NDUFA9: variants seen among roughly 807,000 people sequenced by gnomAD.
The protein encoded by NDUFA9 is NADH dehydrogenase [ubiquinone] 1 alpha subcomplex subunit 9, mitochondrial.
A neutral mutation model predicts 45.9 loss-of-function variants in NDUFA9; 23 were observed. That is an observed-to-expected ratio of 0.50 (90% confidence interval 0.36 to 0.71). The LOEUF (loss-of-function observed/expected upper bound fraction) is 0.71, where lower values mean the gene tolerates loss of function less well. NDUFA9 is among the 30% of genes least tolerant of loss of function. The pLI is 0.00. For synonymous variants in NDUFA9, 176 were observed against 170.5 expected (o/e 1.03, Z -0.25); for missense variants, 466 against 488.2 (o/e 0.95, Z 0.43).
intron 6 of NDUFA9, among the ~76,000 whole-genome samples, chr12:4,665,760 T>TA (rs1945849644): frequency 1.3e-5 from 2 of 151,858 alleles, no homozygotes; most frequent in African/African-American, 4.8e-5. Flanking sequence ...TTTTTTTTTT[T>TA]TATAATAGCC....
At chr12:4,663,326 T>G (rs1043224023) in intron 6 of NDUFA9, among the ~76,000 whole-genome samples, 6 of 152,242 alleles carry the variant, frequency 3.9e-5, no homozygotes, top group African/African-American at 1.4e-4. Flanking sequence ...AAAATATACA[T>G]AGTATAAAAT....
chr12:4,654,394 T>A lies in NDUFA9; in HGVS notation c.152T>A (p.Val51Asp). 2 of 1,614,186 alleles carry A rather than the reference T, an allele frequency of 1.2e-6. No homozygotes were observed. Among genetic ancestry groups the A allele is most frequent in the Non-Finnish European group, 1.7e-6 (2 of 1,180,004 alleles). ...CATGGGAAAGGTGGACGTTCCTCAG[T>A]CAGTGGGATTGTGGCCACTGTGTTT... is the stretch of plus-strand genomic sequence containing the variant. ...MPHGKGGRSS[V>D]SGIVATVFGA... Residue 51 changes from valine (V) to aspartate (D), a missense_variant, in exon 2 of 11, where the codon GTC becomes GAC. Coordinates refer to ENST00000266544, the MANE Select transcript of NDUFA9 (RefSeq NM_005002.5).
At chr12:4,679,545 A>G (rs1464872674) in intron 8 of NDUFA9, among the ~76,000 whole-genome samples, 1 of 152,228 alleles carries the variant, frequency 6.6e-6, no homozygotes, top group Non-Finnish European at 1.5e-5. Context: ...AAAGAAAACC[A>G]GAAGGAGGAA....
At chr12:4,672,522 A>T (rs1014294989) in intron 8 of NDUFA9, among the ~76,000 whole-genome samples, 1 of 152,156 alleles carries the variant, frequency 6.6e-6, no homozygotes, top group African/African-American at 2.4e-5. Context: ...TCTGAGTTCA[A>T]CCTGGGACGT....
rs1945865960 is a variant in NDUFA9, at chr12:4,668,437, C to G, written c.656-20C>G. Reference sequence around the variant, plus strand: ...CAATTTAAGCCTTCTCAGTATAGTTCTCATTCTTTCTTCCGCTAGGTATGC... The same window carrying G: ...CAATTTAAGCCTTCTCAGTATAGTTGTCATTCTTTCTTCCGCTAGGTATGC... On this transcript the variant is annotated intron_variant, in intron 6 of 10. Transcript: ENST00000266544. 1.2e-6 allele frequency: 2 copies of G among 1,602,504 alleles called. No individual in the cohort carries two copies. The highest frequency in any genetic ancestry group is 1.7e-6 in the Non-Finnish European group (2 of 1,169,568).
intron 8 of NDUFA9, among the ~76,000 whole-genome samples, chr12:4,673,120 A>C (rs1196598628): frequency 2.6e-5 from 4 of 152,202 alleles, no homozygotes; most frequent in Non-Finnish European, 5.9e-5. Flanking sequence ...GCAGACCTGC[A>C]GCAGAGGGGC....
intron 8 of NDUFA9, among the ~76,000 whole-genome samples, chr12:4,681,022 A>G (rs1287569937): frequency 6.6e-6 from 1 of 152,024 alleles, no homozygotes; most frequent in Non-Finnish European, 1.5e-5. Flanking sequence ...GGAAAGAGGC[A>G]GTACAGTAAA....
At chr12:4,682,175 T>C (rs1945956760) in intron 8 of NDUFA9, 30 bp from the exon 9 acceptor site, 1 of 1,501,080 alleles carries the variant, frequency 6.7e-7, no homozygotes, top group Admixed American at 1.9e-5. Flanking sequence ...AAGCGTGTAA[T>C]TGAAAGAACT....
intron 6 of NDUFA9, among the ~76,000 whole-genome samples, chr12:4,664,309 A>G (rs1945840899): frequency 6.6e-6 from 1 of 152,204 alleles, no homozygotes; most frequent in African/African-American, 2.4e-5. Flanking sequence ...AGGAATAGAG[A>G]TGAGATTACA....
intron 6 of NDUFA9, among the ~76,000 whole-genome samples, chr12:4,666,088 G>T (rs1171381435): frequency 6.6e-6 from 1 of 152,118 alleles, no homozygotes; most frequent in Non-Finnish European, 1.5e-5. Context: ...TATAGGCATG[G>T]GCCACCACGC....
At chr12:4,675,944 C>A (rs949196525) in intron 8 of NDUFA9, among the ~76,000 whole-genome samples, 7 of 152,142 alleles carry the variant, frequency 4.6e-5, no homozygotes, top group African/African-American at 1.7e-4. Context: ...ACTTATCCAG[C>A]ACGATAAAGT....
chr12:4,686,428 T>TG (rs1000830962), intron 10 of NDUFA9, among the ~76,000 whole-genome samples: 1 of 151,894 alleles, frequency 6.6e-6, no homozygotes, highest in East Asian at 1.9e-4. Context: ...TTACTTGTTT[T>TG]TTTTTTTTTT....
chr12:4,684,331 G>A (rs1010483844), intron 9 of NDUFA9, among the ~76,000 whole-genome samples: 3 of 152,144 alleles, frequency 2.0e-5, no homozygotes, highest in Non-Finnish European at 2.9e-5. Context: ...GAAGTTTTAC[G>A]TCAAGTCCTG....
At position 4,686,921 on chromosome 12, in the gene NDUFA9, C is replaced by T. The variant is rs1384104220; in HGVS notation, c.964-17C>T. ...GCCAGTTTTCAGCATTGTCTGTGGT[C>T]CTTTGTTTATCCAAAGATGCACATC... On this transcript the variant is annotated splice_polypyrimidine_tract_variant and intron_variant, in intron 10 of 10. Transcript: ENST00000266544. 5.8e-5 allele frequency: 93 copies of T among 1,611,696 alleles called. No homozygotes were observed. Among genetic ancestry groups the T allele is most frequent in the Non-Finnish European group, 7.9e-5 (93 of 1,178,768 alleles).
intron 3 of NDUFA9, among the ~76,000 whole-genome samples, chr12:4,656,231 G>A (rs1339572151): frequency 6.6e-5 from 10 of 152,102 alleles, no homozygotes; most frequent in Non-Finnish European, 1.0e-4. Context: ...TTTCCAAAAT[G>A]TTTTTCTTCT....
At position 4,687,311 on chromosome 12, in the gene NDUFA9, A is replaced by C. The variant is rs1175579738; in HGVS notation, c.*203A>C. Reference sequence around the variant, plus strand: ...AACTTGAGCATGATTTTTGTTAAACATATTTAATAATGATATATATACTAT... The same window carrying C: ...AACTTGAGCATGATTTTTGTTAAACCTATTTAATAATGATATATATACTAT... On this transcript the variant is annotated 3_prime_UTR_variant, in exon 11 of 11. Coordinates refer to ENST00000266544, the MANE Select transcript of NDUFA9 (RefSeq NM_005002.5). The C allele has an allele frequency of 4.1e-6, 2 of 493,790 alleles. No individual in the cohort carries two copies. The highest frequency in any genetic ancestry group is 7.5e-5 in the Admixed American group (2 of 26,688). 30.6% of individuals were successfully genotyped at this position (493,790 alleles called of 1,614,324 possible).
chr12:4,684,290 C>G (rs547653962), intron 9 of NDUFA9, among the ~76,000 whole-genome samples: 2 of 152,336 alleles, frequency 1.3e-5, no homozygotes, highest in East Asian at 3.9e-4. Flanking sequence ...TTTTTCAAGC[C>G]TTTAAACGGC....
Position 4,654,366 on chromosome 12 carries a change from C to T in NDUFA9, c.124C>T (p.Pro42Ser), listed in dbSNP as rs1945776983. 2 of 1,614,142 alleles carry T rather than the reference C, an allele frequency of 1.2e-6. No homozygotes were observed. The highest frequency in any genetic ancestry group is 1.7e-6 in the Non-Finnish European group (2 of 1,180,002). The change falls in exon 2 of 11, where the codon CCT (proline) becomes TCT (serine). Residue 42 changes from proline to serine, a missense_variant. Physicochemically the swap from Pro to Ser is moderately conservative, Grantham distance 74. Transcript: ENST00000266544. ...PCRQLHHALM[P>S]HGKGGRSSVS... is the part of the protein sequence containing the mutation. ...TCGCCAGCTTCATCATGCCCTCATG[C>T]CTCATGGGAAAGGTGGACGTTCCTC...
chr12:4,691,991 T>G lies in NDUFA9; in HGVS notation c.*4883T>G, dbSNP rs1591553270. On this transcript the variant is annotated 3_prime_UTR_variant, in exon 11 of 11. Coordinates refer to ENST00000266544, the MANE Select transcript of NDUFA9 (RefSeq NM_005002.5). ...GTGCTATCTCCTTTTGAGGTTACAT[T>G]TCAGAGAATGGTTCCCCTGGGTCCT... 6.6e-6 allele frequency: 1 copy of G among 152,162 alleles called. No homozygotes were observed. Among genetic ancestry groups the G allele is most frequent in the Non-Finnish European group, 1.5e-5 (1 of 68,032 alleles). 9.4% of individuals were successfully genotyped at this position (152,162 alleles called of 1,614,324 possible).
Sources: allele counts gnomAD v4.1 joint callset (sites outside exome capture counted in the v4.1 genomes callset), GRCh38; gene constraint gnomAD v4.1.1; transcripts MANE v1.5; gene names NCBI Gene and HGNC (gene_info 2026-07-23, HGNC 2026-07-21).